SAMD5: variants seen among roughly 807,000 people sequenced by gnomAD.
SAMD5 encodes the protein sterile alpha motif domain containing 5.
In SAMD5, 13 loss-of-function variants were observed where a neutral mutation model predicts 11.3. That is an observed-to-expected ratio of 1.15 (90% CI 0.75 to 1.83). The LOEUF (loss-of-function observed/expected upper bound fraction) is 1.83, where lower values mean the gene tolerates loss of function less well. SAMD5 is among the 40% of genes most tolerant of loss of function. The pLI, the probability that SAMD5 is intolerant of heterozygous loss-of-function variation, is 0.00. For missense variants in SAMD5, 255 were observed against 239.1 expected (o/e 1.07, Z -0.44); for synonymous variants, 129 against 111.3 (o/e 1.16, Z -1.00).
chr6:147,691,969 T>C (rs1791109676), intron 1 of SAMD5, among the ~76,000 whole-genome samples: 1 of 95,620 alleles, frequency 1.0e-5, no homozygotes, highest in South Asian at 5.0e-4. Flanking sequence ...AAGTAGGATG[T>C]ATGTGACACA....
chr6:147,739,620 C>A (rs1791850606), downstream of SAMD5, among the ~76,000 whole-genome samples: 1 of 151,848 alleles, frequency 6.6e-6, no homozygotes, highest in Non-Finnish European at 1.5e-5. Context: ...AAAATAGTAC[C>A]AATTTTTTAG....
the SAMD5 span, among the ~76,000 whole-genome samples, chr6:147,834,704 A>G: frequency 6.6e-6 from 1 of 152,216 alleles, no homozygotes; most frequent in Non-Finnish European, 1.5e-5. Context: ...TAGACAATAC[A>G]GTTTGGCCTC....
Position 147,567,339 on chromosome 6 carries a change from T to C in SAMD5, c.*2883T>C, listed in dbSNP as rs1041689195. On this transcript the variant is annotated 3_prime_UTR_variant, in exon 2 of 2. Coordinates refer to ENST00000367474, the MANE Select transcript of SAMD5 (RefSeq NM_001030060.3). ...AGATATTTATAGCATCTTGGTGTTA[T>C]GCAATAAACAATGACAACAACAAGC... The C allele has an allele frequency of 4.1e-6, 4 of 985,220 alleles. No individual in the cohort carries two copies. Among genetic ancestry groups the C allele is most frequent in the South Asian group, 9.4e-5 (2 of 21,292 alleles). 61.0% of individuals were successfully genotyped at this position (985,220 alleles called of 1,614,324 possible).
chr6:147,690,649 AAAAT>A (rs540958117), intron 1 of SAMD5, among the ~76,000 whole-genome samples: 17 of 152,186 alleles, frequency 1.1e-4, no homozygotes, highest in African/African-American at 2.4e-4. Flanking sequence ...ACTGTCTCAA[AAAAT>A]AAATAAATAA....
intron 1 of SAMD5, among the ~76,000 whole-genome samples, chr6:147,623,623 A>C (rs1164784653): frequency 6.6e-6 from 1 of 152,220 alleles, no homozygotes; most frequent in African/African-American, 2.4e-5. Flanking sequence ...AGATACTTGC[A>C]ACAGTTCTTT....
At chr6:147,894,165 C>T in the SAMD5 span, among the ~76,000 whole-genome samples, 1 of 149,020 alleles carries the variant, frequency 6.7e-6, no homozygotes, top group African/African-American at 2.5e-5. Flanking sequence ...CGTTCTGTCA[C>T]CAGGCTGGAG....
At chr6:147,921,135 C>T in the SAMD5 span, among the ~76,000 whole-genome samples, 1 of 152,120 alleles carries the variant, frequency 6.6e-6, no homozygotes, top group Non-Finnish European at 1.5e-5. Context: ...CCAGTGTCCT[C>T]ACGGAACTGA....
intron 1 of SAMD5, among the ~76,000 whole-genome samples, chr6:147,698,630 A>G (rs762406863): frequency 1.4e-4 from 21 of 152,172 alleles, no homozygotes; most frequent in African/African-American, 4.3e-4. Context: ...TCAAAAATAC[A>G]TTTACACAAA....
At chr6:147,882,581 C>T in the SAMD5 span, among the ~76,000 whole-genome samples, 1 of 152,200 alleles carries the variant, frequency 6.6e-6, no homozygotes, top group African/African-American at 2.4e-5. Flanking sequence ...CATAGCAAGA[C>T]TCTGCCTCTA....
chr6:147,926,687 C>T, the SAMD5 span, among the ~76,000 whole-genome samples: 1,177 of 152,242 alleles, frequency 7.7e-3, 11 homozygotes, highest in Admixed American at 0.014. Flanking sequence ...AATTAGATCC[C>T]ATTTGCCAAT....
the SAMD5 span, among the ~76,000 whole-genome samples, chr6:147,791,998 T>C: frequency 6.6e-6 from 1 of 152,306 alleles, no homozygotes; most frequent in South Asian, 2.1e-4. Flanking sequence ...GTAAATACTG[T>C]ATATGACATG....
the SAMD5 span, among the ~76,000 whole-genome samples, chr6:147,768,290 G>A: frequency 6.6e-6 from 1 of 152,140 alleles, no homozygotes; most frequent in Non-Finnish European, 1.5e-5. Flanking sequence ...CTGAGGTCAG[G>A]AGTTCGAAAC....
At chr6:147,906,013 T>C in the SAMD5 span, among the ~76,000 whole-genome samples, 1 of 152,206 alleles carries the variant, frequency 6.6e-6, no homozygotes, top group Non-Finnish European at 1.5e-5. Context: ...AAAATGCTTT[T>C]TGAATTAGTG....
chr6:147,789,992 G>A, the SAMD5 span, among the ~76,000 whole-genome samples: 23 of 152,340 alleles, frequency 1.5e-4, no homozygotes, highest in South Asian at 1.0e-3. Context: ...GCTGGTGGGA[G>A]TGCAAAATGA....
At chr6:147,650,352 G>A (rs796556824) in intron 1 of SAMD5, among the ~76,000 whole-genome samples, 1 of 152,260 alleles carries the variant, frequency 6.6e-6, no homozygotes, top group African/African-American at 2.4e-5. Context: ...AAAGGAGGGG[G>A]CAAGGGGCAT....
chr6:147,643,792 G>A (rs554112781), intron 1 of SAMD5, among the ~76,000 whole-genome samples: 5 of 141,342 alleles, frequency 3.5e-5, no homozygotes, highest in Admixed American at 1.4e-4. Flanking sequence ...AAGGAAGGAA[G>A]GAAAGAGAGA....
intron 1 of SAMD5, among the ~76,000 whole-genome samples, chr6:147,687,276 C>CTTTTTT (rs59851113): frequency 6.7e-5 from 7 of 105,032 alleles, no homozygotes; most frequent in African/African-American, 1.6e-4. Flanking sequence ...TCTCCTCCTT[C>CTTTTTT]TTTTTTTTTT....
At chr6:147,761,286 A>C in the SAMD5 span, among the ~76,000 whole-genome samples, 1 of 152,170 alleles carries the variant, frequency 6.6e-6, no homozygotes, top group Non-Finnish European at 1.5e-5. Context: ...ACGTTTTGTT[A>C]AATTTTTTCA....
At chr6:147,895,112 GA>G in the SAMD5 span, among the ~76,000 whole-genome samples, 1 of 152,316 alleles carries the variant, frequency 6.6e-6, no homozygotes, top group South Asian at 2.1e-4. Context: ...TTTATTTGAT[GA>G]AAAGTGCAGC....
Sources: gnomAD v4.1 joint callset for allele counts (sites outside exome capture counted in the v4.1 genomes callset) on GRCh38, gnomAD v4.1.1 for gene constraint, MANE v1.5 for transcripts, NCBI Gene and HGNC (gene_info 2026-07-23, HGNC 2026-07-21) for gene names.